UBA1: variants seen among roughly 807,000 people sequenced by gnomAD.
UBA1 encodes the protein ubiquitin like modifier activating enzyme 1.
In UBA1, 4 loss-of-function variants were observed where a neutral mutation model predicts 84.7. That is an observed-to-expected ratio of 0.05 (90% confidence interval 0.02 to 0.11). UBA1 has a LOEUF of 0.11. UBA1 is among the 10% of genes least tolerant of loss of function. The pLI is 1.00. For missense variants in UBA1, 513 were observed against 902.8 expected (o/e 0.57, Z 5.53); for synonymous variants, 364 against 362.6 (o/e 1.00, Z -0.04).
In UBA1 at chrX:47,206,936, T is replaced by C. The variant is rs149071440; in HGVS notation, c.1938+492T>C. Among the ~76,000 whole-genome samples, 877 of 110,033 alleles carry C rather than the reference T, an allele frequency of 8.0e-3. 11 individuals carry two copies. Among genetic ancestry groups the C allele is most frequent in the African/African-American group, 0.028 (839 of 30,192 alleles). ...TTGTCATGGGAGAGGGGATGCCCTGTGCACTGTAGGATGTTTCTCAGCATT... is the reference window on the plus strand; with the variant it reads ...TTGTCATGGGAGAGGGGATGCCCTGCGCACTGTAGGATGTTTCTCAGCATT... On this transcript the variant is annotated intron_variant, in intron 16 of 25. Transcript: ENST00000335972.
At chrX:47,204,925 C>T (rs782365191) in intron 14 of UBA1, 2 of 112,025 alleles carry the variant, frequency 1.8e-5, no homozygotes, top group Admixed American at 9.5e-5. Context: ...AAACAAGATT[C>T]CTGGAGGGAG....
chrX:47,208,342 T>C lies in UBA1; in HGVS notation c.1939-1281T>C, dbSNP rs180943703. Reference sequence around the variant, plus strand: ...GTGTGTACGTGTGTGTGTGTGTGTGTGCGCACGCACGCGTGCCCGTTACGT... The same window carrying C: ...GTGTGTACGTGTGTGTGTGTGTGTGCGCGCACGCACGCGTGCCCGTTACGT... On this transcript the variant is annotated intron_variant, in intron 16 of 25. Transcript: ENST00000335972. 6.9e-3 allele frequency among the ~76,000 whole-genome samples: 724 copies of C among 105,635 alleles called. 14 individuals carry two copies. In the East Asian group the frequency reaches 0.077, roughly 11 times the overall value. 91.7% of individuals were successfully genotyped at this position (105,635 alleles called of 115,157 possible).
At chrX:47,208,802 A>G (rs1288979411) in intron 16 of UBA1, 1 of 110,179 alleles carries the variant, frequency 9.1e-6, no homozygotes, top group Non-Finnish European at 1.9e-5. Context: ...ATCTTAATAC[A>G]TTTTTAGGCT....
At chrX:47,209,834 G>A in intron 17 of UBA1, 94 bp from the exon 18 acceptor site, 1 of 1,112,630 alleles carries the variant, frequency 9.0e-7, no homozygotes, top group Non-Finnish European at 1.2e-6. Context: ...TTGGGGTCGG[G>A]ACTAGTTTTC....
chrX:47,208,444 G>A (rs1465671917), intron 16 of UBA1: 2 of 112,375 alleles, frequency 1.8e-5, no homozygotes, highest in African/African-American at 6.5e-5. Flanking sequence ...GATTACATGT[G>A]TAAGCCTCTG....
rs1936323723 is a variant in UBA1 at position 47,199,473 on chromosome X, C to T, written c.346-7C>T. 7 of 1,211,971 alleles carry T rather than the reference C, an allele frequency of 5.8e-6. No individual in the cohort carries two copies. The highest frequency in any genetic ancestry group is 7.8e-6 in the Non-Finnish European group (7 of 895,563). ...TTCATCTTTTTCCCTACTGCACACC[C>T]TTACAGTTCTACCTGCGGGAGGAGG... On this transcript the variant is annotated splice_polypyrimidine_tract_variant and splice_region_variant and intron_variant, in intron 4 of 25. Coordinates refer to ENST00000335972, the MANE Select transcript of UBA1 (RefSeq NM_003334.4).
chrX:47,194,386 C>T (rs1936125109), intron 1 of UBA1, among the ~76,000 whole-genome samples: 1 of 112,403 alleles, frequency 8.9e-6, no homozygotes, highest in African/African-American at 3.2e-5. Context: ...GATCAGAGCT[C>T]CTCACCATTG....
rs141450062 is a variant in UBA1 at position 47,198,841 on chromosome X, C to T, written c.39C>T (p.Ser13=). 9.7e-5 allele frequency: 118 copies of T among 1,210,456 alleles called. No individual in the cohort carries two copies. In the African/African-American group the frequency reaches 1.4e-3, roughly 14 times the overall value. ...CGCTGTCCAAGAAACGTCGCGTGTC[C>T]GGGCCTGATCCAAAGCCGGGTTCTA... ...SSPLSKKRRV[S]GPDPKPGSNC... is the part of the protein sequence containing the mutation. Residue 13 remains serine, a synonymous_variant, in exon 2 of 26, where the codon TCC becomes TCT. Coordinates refer to ENST00000335972, the MANE Select transcript of UBA1 (RefSeq NM_003334.4).
Position 47,205,959 on chromosome X carries a change from T to C in UBA1, c.1587T>C (p.Ser529=). 1 of 1,203,608 alleles carries C rather than the reference T, an allele frequency of 8.3e-7. No homozygotes were observed. The highest frequency in any genetic ancestry group is 1.7e-5 in the African/African-American group (1 of 57,818). The change falls in exon 15 of 26, where the codon TCT becomes TCC. Residue 529 remains serine, a synonymous_variant. Coordinates refer to ENST00000335972, the MANE Select transcript of UBA1 (RefSeq NM_003334.4). ...TCTTAACCCTTTAGAAGTTAAAGTCTGACACGGCTGCTGCAGCTGTGCGCC... is the reference window on the plus strand; with the variant it reads ...TCTTAACCCTTTAGAAGTTAAAGTCCGACACGGCTGCTGCAGCTGTGCGCC... ...FRPWDVTKLK[S]DTAAAAVRQM... is the part of the protein sequence containing the mutation.
chrX:47,211,253 A>AGTCACCCCACAT, intron 20 of UBA1, 28 bp downstream of exon 20: 2 of 1,198,676 alleles, frequency 1.7e-6, no homozygotes, highest in Non-Finnish European at 1.1e-6. Context: ...GTTGGCCAGG[A>AGTCACCCCACAT]GTCACCCCAC....
chrX:47,196,712 C>G (rs993739022), intron 1 of UBA1, among the ~76,000 whole-genome samples: 1 of 111,864 alleles, frequency 8.9e-6, no homozygotes, highest in Non-Finnish European at 1.9e-5. Context: ...TTCTTAGACT[C>G]TTGCTGCCTG....
rs1453865624 is a variant in UBA1, at chrX:47,200,162, T to C, written c.480+548T>C. 2.7e-5 allele frequency among the ~76,000 whole-genome samples: 3 copies of C among 111,974 alleles called. No homozygotes were observed. In the East Asian group the frequency reaches 8.4e-4, roughly 31 times the overall value. ...GTTGTGGGCACAGACTGTAGAGCCA[T>C]ACTGCCTTGCTGCAGGCCTCCAGCC... On this transcript the variant is annotated intron_variant, in intron 5 of 25. Coordinates refer to ENST00000335972, the MANE Select transcript of UBA1 (RefSeq NM_003334.4).
rs782349004 is a variant in UBA1 at position 47,199,539 on chromosome X, C to T, written c.405C>T (p.Leu135=). ...GGGCCGAGGTATCACAGCCCCGCCT[C>T]GCTGAGCTCAACAGCTATGTGCCTG... ...KNRAEVSQPR[L]AELNSYVPVT... is the part of the protein sequence containing the mutation. The change falls in exon 5 of 26, where the codon CTC becomes CTT. Residue 135 remains leucine (L), a synonymous_variant. Transcript: ENST00000335972. 7 of 1,211,819 alleles carry T rather than the reference C, an allele frequency of 5.8e-6. No individual in the cohort carries two copies. The highest frequency in any genetic ancestry group is 1.8e-5 in the South Asian group (1 of 56,998).
At chrX:47,213,866 CAA>C (rs368610527) in intron 23 of UBA1, among the ~76,000 whole-genome samples, 3 of 94,395 alleles carry the variant, frequency 3.2e-5, no homozygotes, top group Non-Finnish European at 2.2e-5. Flanking sequence ...GACTGCATCT[CAA>C]AAAAAAAAAA....
intron 18 of UBA1, among the ~76,000 whole-genome samples, chrX:47,210,466 C>T (rs1453209499): frequency 1.8e-5 from 2 of 111,950 alleles, no homozygotes; most frequent in African/African-American, 6.5e-5. Context: ...CGTAACTTCT[C>T]TCTGTACCTC....
At chrX:47,203,076 A>G (rs1556789056) in intron 12 of UBA1, 29 bp downstream of exon 12, 5 of 1,203,053 alleles carry the variant, frequency 4.2e-6, no homozygotes, top group Admixed American at 4.4e-5. Flanking sequence ...TGGGGAGGGC[A>G]TCATTGGGGA....
chrX:47,209,276 C>T, intron 16 of UBA1: 1 of 408,504 alleles, frequency 2.4e-6, no homozygotes. Flanking sequence ...GCCTCAGCCT[C>T]CTGAGTAGCT....
At chrX:47,199,730 T>TG (rs1936334450) in intron 5 of UBA1, 116 bp downstream of exon 5, 1 of 924,882 alleles carries the variant, frequency 1.1e-6, no homozygotes, top group East Asian at 3.1e-5. Flanking sequence ...GGTTTTGTGC[T>TG]GGGGGACTAG....
chrX:47,196,197 C>T (rs1366781264), intron 1 of UBA1, among the ~76,000 whole-genome samples: 3 of 111,495 alleles, frequency 2.7e-5, no homozygotes, highest in Non-Finnish European at 5.7e-5. Context: ...CTAGTCCTTT[C>T]CCTCCCAGGA....
Sources: gnomAD v4.1 joint callset for allele counts (sites outside exome capture counted in the v4.1 genomes callset) on GRCh38, gnomAD v4.1.1 for gene constraint, MANE v1.5 for transcripts, NCBI Gene and HGNC (gene_info 2026-07-23, HGNC 2026-07-21) for gene names.